GPC5: variants seen among roughly 807,000 people sequenced by gnomAD.
The protein encoded by GPC5 is glypican-5.
GPC5 carries 47 observed loss-of-function variants against 53.9 expected under a neutral mutation model. That is an observed-to-expected ratio of 0.87 (90% confidence interval 0.69 to 1.11). The LOEUF (loss-of-function observed/expected upper bound fraction) is 1.11. Ranked by LOEUF, GPC5 falls within the 50% of genes most tolerant of loss-of-function variation. The pLI is 0.00. For synonymous variants in GPC5, 286 were observed against 263.3 expected (o/e 1.09, Z -0.84); for missense variants, 748 against 713.1 (o/e 1.05, Z -0.56).
rs377431446 is a variant in GPC5, at chr13:91,536,374, C to A, written c.325+87452C>A. Among the ~76,000 whole-genome samples the A allele has an allele frequency of 6.4e-4, 98 of 152,196 alleles. 1 individual carries two copies. In the South Asian group the frequency reaches 0.02, roughly 31 times the overall value. On this transcript the variant is annotated intron_variant, in intron 2 of 7. Coordinates refer to ENST00000377067, the MANE Select transcript of GPC5 (RefSeq NM_004466.6). ...TTCTGCTCTGCCTCTCACTAGTGGC[C>A]TCGAGAAATAACAGCCTACATTCCT...
chr13:91,876,192 T>C (rs2138940520), intron 5 of GPC5, among the ~76,000 whole-genome samples: 1 of 152,294 alleles, frequency 6.6e-6, no homozygotes, highest in East Asian at 1.9e-4. Flanking sequence ...TTCCCAGTCT[T>C]TATCAGCAGC....
intron 5 of GPC5, among the ~76,000 whole-genome samples, chr13:91,886,771 A>C (rs1437716686): frequency 1.3e-5 from 2 of 152,234 alleles, no homozygotes; most frequent in Admixed American, 1.3e-4. Flanking sequence ...TTTATGTCTT[A>C]CATGCAAGTC....
chr13:92,267,346 A>G (rs1193289544), intron 7 of GPC5, among the ~76,000 whole-genome samples: 2 of 152,034 alleles, frequency 1.3e-5, no homozygotes, highest in Non-Finnish European at 2.9e-5. Flanking sequence ...GAATTTTCTC[A>G]TAATAATTTC....
At chr13:91,709,750 T>C (rs2036186826) in intron 3 of GPC5, among the ~76,000 whole-genome samples, 1 of 152,242 alleles carries the variant, frequency 6.6e-6, no homozygotes, top group South Asian at 2.1e-4. Flanking sequence ...TGCTTACCAC[T>C]GTATCCCTAG....
In GPC5 at chr13:91,398,669, G is replaced by GGCGGCGGCAGTGGCGGCA. The variant is rs1876652269; in HGVS notation, c.-376_-359dup. ...CGAGCCGGGCGGCGGAGGCGGCGGC[G>GGCGGCGGCAGTGGCGGCA]GCGGCGGCAGTGGCGGCAGTGGCGG... is the stretch of plus-strand genomic sequence containing the variant. On this transcript the variant is annotated 5_prime_UTR_variant, in exon 1 of 8. Transcript: ENST00000377067. 1.1e-5 allele frequency: 1 copy of GGCGGCGGCAGTGGCGGCA among 91,430 alleles called. No homozygotes were observed. The highest frequency in any genetic ancestry group is 2.6e-4 in the East Asian group (1 of 3,862). 5.7% of individuals were successfully genotyped at this position (91,430 alleles called of 1,614,324 possible). A position where few individuals can be genotyped will look rare whatever the true frequency, so the allele number is the denominator to read the frequency against.
Position 92,197,145 on chromosome 13 carries a change from A to G in GPC5, c.1561+52156A>G, listed in dbSNP as rs2042262075. 2.0e-5 allele frequency among the ~76,000 whole-genome samples: 3 copies of G among 152,186 alleles called. No individual in the cohort carries two copies. The South Asian group carries it at 6.2e-4, about 32-fold the overall frequency. On this transcript the variant is annotated intron_variant, in intron 7 of 7. Coordinates refer to ENST00000377067, the MANE Select transcript of GPC5 (RefSeq NM_004466.6). ...ACCTCCCTTTTAAAGGGTATTCCTA[A>G]TACCCTTTGGAAGTTTCTTCTTCCC...
intron 7 of GPC5, among the ~76,000 whole-genome samples, chr13:92,426,397 G>A (rs1158662859): frequency 6.6e-6 from 1 of 152,036 alleles, no homozygotes; most frequent in Non-Finnish European, 1.5e-5. Flanking sequence ...CTCCTCTGCT[G>A]TACTGCTTTT....
At chr13:92,840,307 T>A in intron 7 of GPC5, among the ~76,000 whole-genome samples, 1 of 151,788 alleles carries the variant, frequency 6.6e-6, no homozygotes. Flanking sequence ...TATGAGTTGC[T>A]TCCTCTTTGG....
intron 7 of GPC5, among the ~76,000 whole-genome samples, chr13:92,276,981 T>G (rs1594059465): frequency 6.6e-6 from 1 of 151,744 alleles, no homozygotes; most frequent in South Asian, 2.1e-4. Flanking sequence ...TAAACATTAC[T>G]TTTAGTCTCT....
At chr13:91,586,566 AG>A (rs549281165) in intron 2 of GPC5, among the ~76,000 whole-genome samples, 1,743 of 53,992 alleles carry the variant, frequency 0.032, 210 homozygotes, top group African/African-American at 0.24. Flanking sequence ...ATATATGTAG[AG>A]AGAGAGAGAG....
intron 7 of GPC5, among the ~76,000 whole-genome samples, chr13:92,445,627 C>G (rs558661900): frequency 6.6e-6 from 1 of 151,206 alleles, no homozygotes; most frequent in African/African-American, 2.4e-5. Flanking sequence ...CATCCATGTC[C>G]CTAAAAAGGA....
At chr13:91,437,060 T>G (rs1238426320) in intron 1 of GPC5, among the ~76,000 whole-genome samples, 1 of 152,318 alleles carries the variant, frequency 6.6e-6, no homozygotes, top group South Asian at 2.1e-4. Flanking sequence ...CTCCATCCCT[T>G]TATTTTGAGC....
chr13:92,246,204 T>C (rs1261668098), intron 7 of GPC5, among the ~76,000 whole-genome samples: 1 of 152,130 alleles, frequency 6.6e-6, no homozygotes, highest in African/African-American at 2.4e-5. Flanking sequence ...TTAAACGGCA[T>C]CCTTCATTTT....
At chr13:92,783,431 C>A (rs1839071156) in intron 7 of GPC5, among the ~76,000 whole-genome samples, 1 of 152,182 alleles carries the variant, frequency 6.6e-6, no homozygotes, top group Admixed American at 6.5e-5. Flanking sequence ...TAGGGATGGT[C>A]ACAGTAATGT....
chr13:92,469,239 C>T (rs188086154), intron 7 of GPC5, among the ~76,000 whole-genome samples: 1,935 of 151,900 alleles, frequency 0.013, 21 homozygotes, highest in Non-Finnish European at 0.016. Flanking sequence ...GATGGAATAT[C>T]GCTCTGTCAC....
chr13:92,694,672 C>G (rs1361359759), intron 7 of GPC5, among the ~76,000 whole-genome samples: 2 of 152,202 alleles, frequency 1.3e-5, no homozygotes, highest in African/African-American at 2.4e-5. Flanking sequence ...TTTAAAGGCT[C>G]ATAGATGAAA....
At chr13:92,204,416 G>T (rs1425759971) in intron 7 of GPC5, among the ~76,000 whole-genome samples, 1 of 152,128 alleles carries the variant, frequency 6.6e-6, no homozygotes, top group Non-Finnish European at 1.5e-5. Flanking sequence ...ATTAATGTTT[G>T]CCAAGAACTA....
intron 7 of GPC5, among the ~76,000 whole-genome samples, chr13:92,430,066 G>A (rs563135906): frequency 2.6e-5 from 4 of 151,320 alleles, no homozygotes; most frequent in Admixed American, 2.0e-4. Flanking sequence ...TTTCAGAACA[G>A]CATGTTGTAC....
At chr13:91,410,600 C>T in intron 1 of GPC5, among the ~76,000 whole-genome samples, 1 of 151,822 alleles carries the variant, frequency 6.6e-6, no homozygotes, top group East Asian at 2.0e-4. Flanking sequence ...CCCGCCTTGG[C>T]CTCCCAAAGA....
Sources: gnomAD v4.1 joint callset for allele counts (sites outside exome capture counted in the v4.1 genomes callset) on GRCh38, gnomAD v4.1.1 for gene constraint, MANE v1.5 for transcripts, NCBI Gene and HGNC (gene_info 2026-07-23, HGNC 2026-07-21) for gene names.